Variants in SUZ12 observed in about 807,000 individuals in gnomAD.
The protein encoded by SUZ12 is polycomb protein SUZ12.
A neutral mutation model predicts 87.3 loss-of-function variants in SUZ12; 17 were observed. The observed-to-expected ratio is 0.19, with a 90% CI of 0.13 to 0.29. The LOEUF (loss-of-function observed/expected upper bound fraction) is 0.29, where lower values mean the gene tolerates loss of function less well. SUZ12 is among the 10% of genes least tolerant of loss of function. The pLI is 1.00. For synonymous variants in SUZ12, 253 were observed against 312.4 expected, an observed-to-expected ratio of 0.81 and a Z score of 2.01; for missense variants, 526 against 912.2, an observed-to-expected ratio of 0.58 and a Z score of 5.45.
intron 4 of SUZ12, among the ~76,000 whole-genome samples, chr17:31,965,234 A>G (rs1290371886): frequency 2.6e-5 from 4 of 152,224 alleles, no homozygotes; most frequent in South Asian, 2.1e-4. Context: ...AGGGATCAGT[A>G]CTGCTTTCCT....
At chr17:31,979,124 A>AT (rs1908941559) in intron 8 of SUZ12, among the ~76,000 whole-genome samples, 1 of 143,350 alleles carries the variant, frequency 7.0e-6, no homozygotes, top group South Asian at 2.2e-4. Flanking sequence ...AAAAAAAAAA[A>AT]AGAATTCAAA....
In SUZ12 at chr17:31,999,630, T is replaced by C. The variant is rs79896497; in HGVS notation, c.*627T>C. On this transcript the variant is annotated 3_prime_UTR_variant, in exon 16 of 16. Coordinates refer to ENST00000322652, the MANE Select transcript of SUZ12 (RefSeq NM_015355.4). ...ATAGCACTTCTTCATCTTATGCCTG[T>C]TTGAGAAGATATTAAATTTTCACAT... 3 of 231,966 alleles carry C rather than the reference T, an allele frequency of 1.3e-5. No individual in the cohort carries two copies. The East Asian group carries it at 1.8e-4, about 14-fold the overall frequency. The allele number at this position is 231,966 out of a possible 1,614,324, so 14.4% of individuals were successfully genotyped here.
At chr17:31,979,075 C>G in intron 8 of SUZ12, among the ~76,000 whole-genome samples, 1 of 132,024 alleles carries the variant, frequency 7.6e-6, no homozygotes, top group African/African-American at 2.9e-5. Context: ...CGCTGCACTC[C>G]AGCCTGGTGA....
chr17:31,981,405 A>G (rs1909094769), intron 8 of SUZ12, among the ~76,000 whole-genome samples: 1 of 152,228 alleles, frequency 6.6e-6, no homozygotes, highest in Admixed American at 6.5e-5. Flanking sequence ...TCAGATTGAC[A>G]GAGACCAAAA....
chr17:31,964,352 T>C (rs1164919864), intron 4 of SUZ12, among the ~76,000 whole-genome samples: 5 of 126,602 alleles, frequency 3.9e-5, no homozygotes, highest in African/African-American at 2.6e-4. Context: ...AACATACTTT[T>C]CTAGAACATA....
rs1171557168 is a variant in SUZ12 at position 31,959,270 on chromosome 17, C to G, written c.456-6877C>G. Among the ~76,000 whole-genome samples the G allele has an allele frequency of 8.5e-5, 13 of 152,156 alleles. No homozygotes were observed. The East Asian group carries it at 2.5e-3, about 29-fold the overall frequency. ...CTCATCAGTTGCCACTTAAGCATATCTGATTCTTAAAAATTTGAATATTCA... is the reference window on the plus strand; with the variant it reads ...CTCATCAGTTGCCACTTAAGCATATGTGATTCTTAAAAATTTGAATATTCA... On this transcript the variant is annotated intron_variant, in intron 4 of 15. Transcript: ENST00000322652.
chr17:31,993,391 C>A, intron 11 of SUZ12, 58 bp downstream of exon 11: 2 of 1,127,978 alleles, frequency 1.8e-6, no homozygotes, highest in East Asian at 2.6e-5. Context: ...TTTTGTATGT[C>A]AAACATGAAA....
At chr17:31,953,569 C>T (rs950162319) in intron 4 of SUZ12, among the ~76,000 whole-genome samples, 3 of 151,750 alleles carry the variant, frequency 2.0e-5, no homozygotes, top group African/African-American at 4.8e-5. Context: ...TGTCACACCT[C>T]ACTAATTTTT....
At chr17:31,971,514 G>A in intron 5 of SUZ12, among the ~76,000 whole-genome samples, 1 of 143,112 alleles carries the variant, frequency 7.0e-6, no homozygotes, top group Non-Finnish European at 1.5e-5. Flanking sequence ...TGCAACCTCT[G>A]CTCCCCAACC....
At chr17:31,994,967 G>A (rs893037233) in intron 13 of SUZ12, among the ~76,000 whole-genome samples, 11 of 152,204 alleles carry the variant, frequency 7.2e-5, no homozygotes, top group African/African-American at 2.7e-4. Flanking sequence ...TACTGCTGCA[G>A]TGGTTTGGGA....
chr17:31,993,119 A>G, intron 10 of SUZ12, 123 bp from the exon 11 acceptor site: 1 of 612,430 alleles, frequency 1.6e-6, no homozygotes, highest in South Asian at 2.5e-5. Flanking sequence ...GATAACAGAA[A>G]TATATTTAAA....
chr17:31,960,625 T>C (rs1907647328), intron 4 of SUZ12, among the ~76,000 whole-genome samples: 2 of 152,096 alleles, frequency 1.3e-5, no homozygotes, highest in African/African-American at 4.8e-5. Context: ...TCACCTAGGC[T>C]GGAGTGCAGT....
At chr17:31,963,607 C>T (rs1201567443) in intron 4 of SUZ12, among the ~76,000 whole-genome samples, 6 of 151,996 alleles carry the variant, frequency 3.9e-5, no homozygotes, top group African/African-American at 1.2e-4. Context: ...AGTGATTCCT[C>T]TGACCTTTGA....
intron 5 of SUZ12, among the ~76,000 whole-genome samples, chr17:31,969,426 G>A (rs1681718): frequency 0.11 from 16,192 of 151,838 alleles, 1,053 homozygotes; most frequent in Middle Eastern, 0.15. Context: ...TGGGATTTCA[G>A]TAGGCATGAG....
intron 4 of SUZ12, among the ~76,000 whole-genome samples, chr17:31,953,614 C>T (rs1420608089): frequency 6.6e-6 from 1 of 151,856 alleles, no homozygotes; most frequent in Non-Finnish European, 1.5e-5. Flanking sequence ...CATCATCTTG[C>T]CCAGGCCAGT....
At chr17:31,995,198 T>TTA (rs1909909186) in intron 13 of SUZ12, among the ~76,000 whole-genome samples, 1 of 149,684 alleles carries the variant, frequency 6.7e-6, no homozygotes, top group Non-Finnish European at 1.5e-5. Flanking sequence ...GTAACCAGTG[T>TTA]TAACGGCTTT....
chr17:31,975,601 T>A lies in SUZ12; in HGVS notation c.711T>A (p.Phe237Leu). The A allele has an allele frequency of 6.2e-7, 1 of 1,614,030 alleles. No homozygotes were observed. The highest frequency in any genetic ancestry group is 8.5e-7 in the Non-Finnish European group (1 of 1,179,924). The change falls in exon 7 of 16, where the codon TTT becomes TTA. Residue 237 changes from phenylalanine to leucine, a missense_variant. By Grantham distance (22) the Phe-to-Leu change is conservative (BLOSUM62 0). Transcript: ENST00000322652. ...CCCTTGCAGTTTCCAGTAATGAATTTGAACCTAGTAACAGCCATATGGTGA... is the reference window on the plus strand; with the variant it reads ...CCCTTGCAGTTTCCAGTAATGAATTAGAACCTAGTAACAGCCATATGGTGA... ...FPSLAVSSNEFEPSNSHMVKS... is the reference protein window; with the variant it reads ...FPSLAVSSNELEPSNSHMVKS...
intron 4 of SUZ12, among the ~76,000 whole-genome samples, chr17:31,962,615 C>T (rs1457143999): frequency 6.6e-6 from 1 of 152,100 alleles, no homozygotes; most frequent in Admixed American, 6.6e-5. Flanking sequence ...AATCTTAAGC[C>T]TCACACTCTC....
In SUZ12 at chr17:31,988,311, A is replaced by AT; in HGVS notation, c.1024-3dup. The stretch of plus-strand genomic sequence containing the variant: ...AGTCTCCAGTCTTTGCATGTTTTTT[A>AT]TTTTTTAGAGGCTGCCTCCATTCGA... On this transcript the variant is annotated splice_polypyrimidine_tract_variant and intron_variant, in intron 9 of 15. Coordinates refer to ENST00000322652, the MANE Select transcript of SUZ12 (RefSeq NM_015355.4). 3 of 1,529,924 alleles carry AT rather than the reference A, an allele frequency of 2.0e-6. No homozygotes were observed. Among genetic ancestry groups the AT allele is most frequent in the Admixed American group, 2.3e-5 (1 of 42,852 alleles). 94.8% of individuals were successfully genotyped at this position (1,529,924 alleles called of 1,614,324 possible). A position where few individuals can be genotyped will look rare whatever the true frequency, so the allele number is the denominator to read the frequency against.
Sources: allele counts gnomAD v4.1 joint callset (sites outside exome capture counted in the v4.1 genomes callset), GRCh38; gene constraint gnomAD v4.1.1; transcripts MANE v1.5; gene names NCBI Gene and HGNC (gene_info 2026-07-23, HGNC 2026-07-21).